The following DDX17 variants were observed in gnomAD, a reference collection of about 807,000 sequenced individuals.
DDX17 encodes probable ATP-dependent RNA helicase DDX17.
A neutral mutation model predicts 80.8 loss-of-function variants in DDX17; 10 were observed. The ratio of observed to expected loss-of-function variants is 0.12; its 90% CI spans 0.08 to 0.21. DDX17 has a LOEUF of 0.21. Among genes scored for constraint, DDX17 ranks in the 10% least tolerant of loss-of-function variants. DDX17 has a pLI of 1.00. For synonymous variants in DDX17, 339 were observed against 336.2 expected, an observed-to-expected ratio of 1.01 and a Z score of -0.09; for missense variants, 586 against 957.4, an observed-to-expected ratio of 0.61 and a Z score of 5.12.
chr22:38,503,322 T>C (rs2089848976), intron 1 of DDX17, among the ~76,000 whole-genome samples: 1 of 152,196 alleles, frequency 6.6e-6, no homozygotes, highest in Admixed American at 6.5e-5. Flanking sequence ...TCATTGTTAT[T>C]GCCACATTGC....
In DDX17 at chr22:38,487,964, A is replaced by T. The variant is rs1472100208; in HGVS notation, c.1599T>A (p.Leu533=). 3.7e-6 allele frequency: 6 copies of T among 1,614,118 alleles called. No individual in the cohort carries two copies. Among genetic ancestry groups the T allele is most frequent in the Non-Finnish European group, 4.2e-6 (5 of 1,180,054 alleles). The stretch of plus-strand genomic sequence containing the variant: ...GATTGGCCTCTTCCAGCACTTTGAT[A>T]AGCTCTCTGGCCTGTTTTAGGTTCC... Residue 533 remains leucine, a synonymous_variant, in exon 12 of 13, where the codon CTT becomes CTA. Coordinates refer to ENST00000403230, the MANE Select transcript of DDX17 (RefSeq NM_006386.5).
intron 1 of DDX17, chr22:38,505,574 C>G: frequency 4.5e-6 from 1 of 224,030 alleles, no homozygotes; most frequent in Non-Finnish European, 8.6e-6. Flanking sequence ...AACGCCGAGG[C>G]CTGGAGACAT....
chr22:38,497,528 G>C (rs1477940098), intron 5 of DDX17, among the ~76,000 whole-genome samples: 1 of 142,428 alleles, frequency 7.0e-6, no homozygotes, highest in African/African-American at 2.6e-5. Context: ...TGAGGCAGGA[G>C]AATGGCTTGA....
Position 38,498,572 on chromosome 22 carries a change from T to C in DDX17, c.540A>G (p.Gln180=). Residue 180 remains glutamine (Q), a splice_region_variant and synonymous_variant, in exon 4 of 13, where the codon CAA becomes CAG. Transcript: ENST00000403230. The stretch of plus-strand genomic sequence containing the variant: ...GATCCATCAACACATCCATTACATA[T>C]TCTGTAAGAGAATTTTATTTTGCGT... 6.2e-7 allele frequency: 1 copy of C among 1,613,848 alleles called. No homozygotes were observed. The highest frequency in any genetic ancestry group is 1.3e-5 in the African/African-American group (1 of 75,048).
intron 1 of DDX17, among the ~76,000 whole-genome samples, chr22:38,504,402 G>C (rs1214691620): frequency 2.0e-5 from 3 of 152,226 alleles, no homozygotes; most frequent in East Asian, 3.9e-4. Context: ...AAGGATCCTG[G>C]GGTACCTGTG....
chr22:38,502,411 CA>C lies in DDX17; in HGVS notation c.288-1132del, dbSNP rs138458. Among the ~76,000 whole-genome samples the C allele has an allele frequency of 3.9e-3, 494 of 125,930 alleles. 1 individual carries two copies. Among genetic ancestry groups the C allele is most frequent in the African/African-American group, 8.9e-3 (290 of 32,748 alleles). The allele number at this position is 125,930 out of a possible 152,430, so 82.6% of individuals were successfully genotyped here. ...CCTGGTAGACAGAGGGAGGGTCCGTCAAAAAAAAAAAAAAAAAGCTGAACAT... is the reference window on the plus strand; with the variant it reads ...CCTGGTAGACAGAGGGAGGGTCCGTCAAAAAAAAAAAAAAAAGCTGAACAT... On this transcript the variant is annotated intron_variant, in intron 1 of 12. Coordinates refer to ENST00000403230, the MANE Select transcript of DDX17 (RefSeq NM_006386.5).
chr22:38,500,476 T>TA (rs1273028700), intron 2 of DDX17, among the ~76,000 whole-genome samples: 3 of 151,354 alleles, frequency 2.0e-5, no homozygotes, highest in African/African-American at 4.9e-5. Flanking sequence ...CCCTGACTCT[T>TA]GCACTCCAGC....
intron 3 of DDX17, 90 bp from the exon 4 acceptor site, chr22:38,498,663 A>T: frequency 7.3e-7 from 1 of 1,369,792 alleles, no homozygotes; most frequent in South Asian, 1.2e-5. Context: ...ACTGAAGATA[A>T]GATTTACCCA....
At chr22:38,495,707 A>C (rs759382602) in intron 6 of DDX17, 89 bp downstream of exon 6, 259 of 1,158,770 alleles carry the variant, frequency 2.2e-4, no homozygotes, top group Non-Finnish European at 2.8e-4. Context: ...TGAGTTTATC[A>C]CAAGAACCCA....
intron 1 of DDX17, among the ~76,000 whole-genome samples, chr22:38,501,493 T>A (rs2089830154): frequency 1.3e-5 from 2 of 152,162 alleles, no homozygotes; most frequent in Non-Finnish European, 2.9e-5. Flanking sequence ...ATAGCTACAA[T>A]AGGCAAAAAA....
rs955723053 is a variant in DDX17, at chr22:38,489,061, A to G, written c.1448-946T>C. On this transcript the variant is annotated intron_variant, in intron 11 of 12. Transcript: ENST00000403230. The surrounding 1 kb of genome is among the most constrained non-coding windows in gnomAD (Gnocchi z 4.6). ...TAGTGTAATGCTTTCAGCTGAATGTATATTTTTACCTACTTAAACAAACAA... is the reference window on the plus strand; with the variant it reads ...TAGTGTAATGCTTTCAGCTGAATGTGTATTTTTACCTACTTAAACAAACAA... 1.7e-5 allele frequency: 17 copies of G among 984,238 alleles called. No individual in the cohort carries two copies. Among genetic ancestry groups the G allele is most frequent in the Non-Finnish European group, 1.9e-5 (16 of 828,992 alleles). 61.0% of individuals were successfully genotyped at this position (984,238 alleles called of 1,614,324 possible).
rs890352968 is a variant in DDX17 at position 38,506,303 on chromosome 22, C to T, written c.-66G>A. ...GTCTCCTTCCTTCCCAGCGACTGCA[C>T]AAAATGGCGGCCGCCGCTGAGTCGG... On this transcript the variant is annotated 5_prime_UTR_variant, in exon 1 of 13. In the 5' UTR this introduces an upstream ATG that the reference lacks. Transcript: ENST00000403230. The T allele has an allele frequency of 1.5e-5, 22 of 1,478,190 alleles. No individual in the cohort carries two copies. The highest frequency in any genetic ancestry group is 1.3e-4 in the East Asian group (5 of 39,310). 91.6% of individuals were successfully genotyped at this position (1,478,190 alleles called of 1,614,324 possible).
At chr22:38,493,653 A>AT (rs1307120622) in intron 10 of DDX17, 57 bp downstream of exon 10, 1 of 1,369,402 alleles carries the variant, frequency 7.3e-7, no homozygotes, top group African/African-American at 1.4e-5. Context: ...GAGCATGAAC[A>AT]TTCACTTATG....
At chr22:38,488,261 C>CAAAAAA in intron 11 of DDX17, 146 bp from the exon 12 acceptor site, 1 of 1,541,296 alleles carries the variant, frequency 6.5e-7, no homozygotes, top group Admixed American at 2.0e-5. Context: ...TGAACAGAAA[C>CAAAAAA]AAAAAAAGAC....
At chr22:38,487,748 C>T (rs932348882) in intron 12 of DDX17, 131 bp downstream of exon 12, 9 of 862,784 alleles carry the variant, frequency 1.0e-5, no homozygotes, top group Admixed American at 2.1e-5. Flanking sequence ...TTATAAAAAG[C>T]ATTAGGCAGT....
At chr22:38,501,800 G>A (rs2089833630) in intron 1 of DDX17, among the ~76,000 whole-genome samples, 1 of 152,214 alleles carries the variant, frequency 6.6e-6, no homozygotes, top group African/African-American at 2.4e-5. Context: ...CAAGTTACTA[G>A]GTACCAAGTA....
chr22:38,498,166 A>T lies in DDX17; in HGVS notation c.673-16T>A, dbSNP rs543180215. ...GCAGGAGATACTGTGGAGGGGGGAA[A>T]GAATGACAACCTTACGCTTAGAAGT... On this transcript the variant is annotated splice_polypyrimidine_tract_variant and intron_variant, in intron 4 of 12. Coordinates refer to ENST00000403230, the MANE Select transcript of DDX17 (RefSeq NM_006386.5). 3.9e-5 allele frequency: 63 copies of T among 1,612,960 alleles called. No individual in the cohort carries two copies. Among genetic ancestry groups the T allele is most frequent in the Non-Finnish European group, 4.9e-5 (58 of 1,179,122 alleles).
Position 38,494,883 on chromosome 22 carries a change from C to T in DDX17, c.1041+3G>A, listed in dbSNP as rs1308219833. The T allele has an allele frequency of 1.9e-6, 3 of 1,614,014 alleles. No homozygotes were observed. Among genetic ancestry groups the T allele is most frequent in the Non-Finnish European group, 2.5e-6 (3 of 1,179,932 alleles). On this transcript the variant is annotated splice_donor_region_variant and intron_variant, in intron 7 of 12. Coordinates refer to ENST00000403230, the MANE Select transcript of DDX17 (RefSeq NM_006386.5). Reference sequence around the variant, plus strand: ...AAGACTGCTTATTATTAGCTTTACACACCCTGATTTGGTCAACAATTTTAC... The same window carrying T: ...AAGACTGCTTATTATTAGCTTTACATACCCTGATTTGGTCAACAATTTTAC...
chr22:38,504,697 C>A (rs1435487972), intron 1 of DDX17, among the ~76,000 whole-genome samples: 2 of 152,196 alleles, frequency 1.3e-5, no homozygotes, highest in African/African-American at 2.4e-5. Context: ...AGTTGTGGAT[C>A]TGAACCACAA....
Sources: gnomAD v4.1 joint callset for allele counts (sites outside exome capture counted in the v4.1 genomes callset) on GRCh38, gnomAD v4.1.1 for gene constraint, Gnocchi (gnomAD v3.1) non-coding constraint, MANE v1.5 for transcripts, NCBI Gene and HGNC (gene_info 2026-07-23, HGNC 2026-07-21) for gene names.